The following C3orf70 variants were observed in gnomAD, a reference collection of about 807,000 sequenced individuals.
The protein encoded by C3orf70 is chromosome 3 open reading frame 70.
Under a neutral mutation model 20.7 loss-of-function variants are expected in C3orf70, and 15 were observed. The observed-to-expected ratio is 0.72, with a 90% CI of 0.48 to 1.11. C3orf70 has a LOEUF of 1.11. Among genes scored for constraint, C3orf70 ranks in the 50% most tolerant of loss-of-function variants. The pLI, the probability that C3orf70 is intolerant of heterozygous loss-of-function variation, is 0.00. For missense variants in C3orf70, 332 were observed against 317.6 expected (o/e 1.05, Z -0.34); for synonymous variants, 161 against 125.7 (o/e 1.28, Z -1.88).
intron 1 of C3orf70, among the ~76,000 whole-genome samples, chr3:185,111,639 C>T (rs1045831399): frequency 6.6e-6 from 1 of 152,108 alleles, no homozygotes; most frequent in Admixed American, 6.6e-5. Context: ...TATACAGCTG[C>T]TTGGGAAAAC....
Position 185,083,575 on chromosome 3 carries a change from C to G in C3orf70, c.197-12G>C, listed in dbSNP as rs2108585733. The G allele has an allele frequency of 6.5e-7, 1 of 1,550,036 alleles. No individual in the cohort carries two copies. Among genetic ancestry groups the G allele is most frequent in the Non-Finnish European group, 8.7e-7 (1 of 1,152,094 alleles). ...ATACATGTATTTGCCTGTGAAGACA[C>G]AAAAAGACACTTGAAATCTATATTA... On this transcript the variant is annotated splice_polypyrimidine_tract_variant and intron_variant, in intron 1 of 1. Coordinates refer to ENST00000335012, the MANE Select transcript of C3orf70 (RefSeq NM_001025266.3).
chr3:185,100,927 G>A (rs555482318), intron 1 of C3orf70, among the ~76,000 whole-genome samples: 2 of 152,104 alleles, frequency 1.3e-5, no homozygotes, highest in African/African-American at 4.8e-5. Flanking sequence ...ACATAAACTA[G>A]AAAACCTGTA....
At chr3:185,109,258 CA>C (rs1185884407) in intron 1 of C3orf70, among the ~76,000 whole-genome samples, 95 of 152,236 alleles carry the variant, frequency 6.2e-4, no homozygotes, top group African/African-American at 2.2e-3. Flanking sequence ...AAGACAGAAG[CA>C]AAACAATTGG....
At position 185,080,125 on chromosome 3, in the gene C3orf70, A is replaced by T. The variant is rs534698798; in HGVS notation, c.*2882T>A. The T allele has an allele frequency of 2.0e-5, 3 of 152,786 alleles. No homozygotes were observed. Among genetic ancestry groups the T allele is most frequent in the Non-Finnish European group, 2.9e-5 (2 of 68,016 alleles). The allele number at this position is 152,786 out of a possible 1,614,324, so 9.5% of individuals were successfully genotyped here. A position where few individuals can be genotyped will look rare whatever the true frequency, so the allele number is the denominator to read the frequency against. ...TAGGACAAAAATAAATCTTGTGCTT[A>T]TTTAGAAAAGGTCATTTTGAGATCC... On this transcript the variant is annotated 3_prime_UTR_variant, in exon 2 of 2. Coordinates refer to ENST00000335012, the MANE Select transcript of C3orf70 (RefSeq NM_001025266.3).
chr3:185,111,243 T>C lies in C3orf70; in HGVS notation c.197-27680A>G, dbSNP rs145669309. ...GCAATGAAAGAAAAAGTAAATTTGA[T>C]TTCATCAAAATAAAAAATCATTGTG... On this transcript the variant is annotated intron_variant, in intron 1 of 1. Coordinates refer to ENST00000335012, the MANE Select transcript of C3orf70 (RefSeq NM_001025266.3). Among the ~76,000 whole-genome samples, 73 of 152,282 alleles carry C rather than the reference T, an allele frequency of 4.8e-4. 1 individual carries two copies. The East Asian group carries it at 0.012, about 25-fold the overall frequency.
intron 1 of C3orf70, among the ~76,000 whole-genome samples, chr3:185,115,365 G>A (rs1475891178): frequency 2.6e-5 from 4 of 152,248 alleles, no homozygotes; most frequent in African/African-American, 9.6e-5. Context: ...TATTCCCCCT[G>A]TAGACTTTAC....
intron 1 of C3orf70, among the ~76,000 whole-genome samples, chr3:185,114,112 T>C (rs780388478): frequency 2.0e-5 from 3 of 152,102 alleles, no homozygotes; most frequent in South Asian, 2.1e-4. Context: ...GGCAGGAGAA[T>C]TGCTTGAACC....
intron 1 of C3orf70, among the ~76,000 whole-genome samples, chr3:185,097,803 T>C (rs189327889): frequency 7.9e-5 from 12 of 152,316 alleles, no homozygotes; most frequent in Non-Finnish European, 1.6e-4. Flanking sequence ...ACATGTGACG[T>C]TCTAGACAAA....
At chr3:185,086,919 C>T (rs1715469972) in intron 1 of C3orf70, among the ~76,000 whole-genome samples, 1 of 152,142 alleles carries the variant, frequency 6.6e-6, no homozygotes, top group Non-Finnish European at 1.5e-5. Flanking sequence ...AATAATTAAA[C>T]TCAAAGATAT....
At chr3:185,115,767 T>C (rs1385125920) in intron 1 of C3orf70, among the ~76,000 whole-genome samples, 2 of 152,198 alleles carry the variant, frequency 1.3e-5, no homozygotes, top group African/African-American at 4.8e-5. Flanking sequence ...CTGGCATGGT[T>C]GGATGCTAGT....
At chr3:185,132,072 T>C (rs1716532673) in intron 1 of C3orf70, among the ~76,000 whole-genome samples, 1 of 152,162 alleles carries the variant, frequency 6.6e-6, no homozygotes, top group African/African-American at 2.4e-5. Context: ...ATTTGTTTAG[T>C]CTAAAGCAAT....
chr3:185,091,819 G>A (rs921821018), intron 1 of C3orf70, among the ~76,000 whole-genome samples: 28 of 142,338 alleles, frequency 2.0e-4, no homozygotes, highest in African/African-American at 4.8e-4. Flanking sequence ...CAAGTAGCTG[G>A]GATTACAGGC....
At chr3:185,126,888 T>C (rs1716423545) in intron 1 of C3orf70, among the ~76,000 whole-genome samples, 1 of 152,186 alleles carries the variant, frequency 6.6e-6, no homozygotes, top group Non-Finnish European at 1.5e-5. Context: ...AAGAAATCAC[T>C]TGTCCATTCC....
At chr3:185,134,770 A>G (rs1716589023) in intron 1 of C3orf70, among the ~76,000 whole-genome samples, 1 of 152,162 alleles carries the variant, frequency 6.6e-6, no homozygotes, top group African/African-American at 2.4e-5. Context: ...GGCTCTAAAA[A>G]GGTACCTCAA....
rs563445962 is a variant in C3orf70 at position 185,112,162 on chromosome 3, C to T, written c.197-28599G>A. The stretch of plus-strand genomic sequence containing the variant: ...AAAAAAATAAGCCAGGTGTGGTGGG[C>T]GCCTGTAATCCCAGCTACTTGGGAA... On this transcript the variant is annotated intron_variant, in intron 1 of 1. Coordinates refer to ENST00000335012, the MANE Select transcript of C3orf70 (RefSeq NM_001025266.3). Among the ~76,000 whole-genome samples the T allele has an allele frequency of 6.6e-5, 10 of 152,024 alleles. No individual in the cohort carries two copies. The South Asian group carries it at 1.2e-3, about 19-fold the overall frequency.
intron 1 of C3orf70, among the ~76,000 whole-genome samples, chr3:185,126,224 T>C (rs1716407096): frequency 6.6e-6 from 1 of 152,194 alleles, no homozygotes; most frequent in African/African-American, 2.4e-5. Context: ...TTAATTGGTC[T>C]CTTGAATTTA....
intron 1 of C3orf70, among the ~76,000 whole-genome samples, chr3:185,129,907 C>T (rs1716493500): frequency 6.6e-6 from 1 of 152,150 alleles, no homozygotes; most frequent in Non-Finnish European, 1.5e-5. Flanking sequence ...AATATTTTCA[C>T]TATGGTTAAA....
chr3:185,085,565 C>A (rs978675560), intron 1 of C3orf70, among the ~76,000 whole-genome samples: 4 of 152,174 alleles, frequency 2.6e-5, no homozygotes, highest in Non-Finnish European at 4.4e-5. Flanking sequence ...ATGCAAACCC[C>A]GCAGTCTGAT....
At chr3:185,136,426 A>G (rs2108604209) in intron 1 of C3orf70, among the ~76,000 whole-genome samples, 1 of 152,302 alleles carries the variant, frequency 6.6e-6, no homozygotes, top group South Asian at 2.1e-4. Context: ...TGTCTCTACT[A>G]AAAACACAAA....
Sources: allele counts gnomAD v4.1 joint callset (sites outside exome capture counted in the v4.1 genomes callset), GRCh38; gene constraint gnomAD v4.1.1; transcripts MANE v1.5; gene names NCBI Gene and HGNC (gene_info 2026-07-23, HGNC 2026-07-21).